The following UBL3 variants were observed in gnomAD, a reference collection of about 807,000 sequenced individuals.
UBL3 encodes ubiquitin like 3.
UBL3 carries 6 observed loss-of-function variants against 18.4 expected under a neutral mutation model. The observed-to-expected ratio is 0.33, with a 90% CI of 0.18 to 0.64. The LOEUF (loss-of-function observed/expected upper bound fraction) is 0.64, where lower values mean the gene tolerates loss of function less well. Among genes scored for constraint, UBL3 ranks in the 30% least tolerant of loss-of-function variants. UBL3 has a pLI of 0.76. For synonymous variants in UBL3, 49 were observed against 46.6 expected (o/e 1.05, Z -0.21); for missense variants, 109 against 142.9 (o/e 0.76, Z 1.21).
Position 29,803,029 on chromosome 13 carries a change from T to TA in UBL3, c.28-25767dup, listed in dbSNP as rs375114077. On this transcript the variant is annotated intron_variant, in intron 1 of 4. Transcript: ENST00000380680. ...CAGATTCTCCAAGGTCAAAATGGAA[T>TA]AAAAAATGTTAAAAGCAGCTAGAGA... Among the ~76,000 whole-genome samples, 344 of 152,142 alleles carry TA rather than the reference T, an allele frequency of 2.3e-3. 2 individuals carry two copies. Among genetic ancestry groups the TA allele is most frequent in the African/African-American group, 8.1e-3 (335 of 41,530 alleles).
At chr13:29,830,553 T>G (rs1367338116) in intron 1 of UBL3, among the ~76,000 whole-genome samples, 1 of 152,104 alleles carries the variant, frequency 6.6e-6, no homozygotes, top group African/African-American at 2.4e-5. Flanking sequence ...AGAAACAACA[T>G]CTCTTCGCAA....
chr13:29,817,258 C>G (rs1229931688), intron 1 of UBL3, among the ~76,000 whole-genome samples: 1 of 152,164 alleles, frequency 6.6e-6, no homozygotes, highest in African/African-American at 2.4e-5. Context: ...TCTACAGTTA[C>G]CATAGCTTGG....
At chr13:29,781,628 A>G (rs982083464) in intron 1 of UBL3, among the ~76,000 whole-genome samples, 3 of 151,934 alleles carry the variant, frequency 2.0e-5, no homozygotes, top group Non-Finnish European at 4.4e-5. Context: ...GCATGGGGGA[A>G]AAATGTAAAT....
intron 2 of UBL3, among the ~76,000 whole-genome samples, chr13:29,772,512 C>T (rs932746909): frequency 6.6e-6 from 1 of 151,976 alleles, no homozygotes; most frequent in Non-Finnish European, 1.5e-5. Context: ...AAAGAAATAT[C>T]ATTTTAAAAT....
At chr13:29,778,568 T>A (rs1049869102) in intron 1 of UBL3, among the ~76,000 whole-genome samples, 1 of 152,136 alleles carries the variant, frequency 6.6e-6, no homozygotes, top group African/African-American at 2.4e-5. Context: ...TTGTGCCAGG[T>A]CCCAGGTTAC....
intron 1 of UBL3, among the ~76,000 whole-genome samples, chr13:29,820,400 T>C (rs1878402055): frequency 6.6e-6 from 1 of 152,124 alleles, no homozygotes; most frequent in Admixed American, 6.6e-5. Context: ...GGTCTTGAAC[T>C]CCTGACCTCA....
intron 1 of UBL3, among the ~76,000 whole-genome samples, chr13:29,792,578 C>T (rs1000595574): frequency 2.6e-5 from 4 of 152,146 alleles, no homozygotes; most frequent in African/African-American, 7.2e-5. Flanking sequence ...TCAGCTCAGA[C>T]AATTTGCATC....
intron 1 of UBL3, 115 bp downstream of exon 1, chr13:29,849,397 C>T: frequency 7.0e-7 from 1 of 1,429,020 alleles, no homozygotes; most frequent in Non-Finnish European, 9.8e-7. Flanking sequence ...AATCGCTCAG[C>T]ACAGTGGCTT....
intron 1 of UBL3, among the ~76,000 whole-genome samples, chr13:29,838,437 C>G (rs1371468289): frequency 6.6e-6 from 1 of 152,114 alleles, no homozygotes; most frequent in Non-Finnish European, 1.5e-5. Flanking sequence ...CAACATTACT[C>G]TTATTACCAC....
intron 1 of UBL3, among the ~76,000 whole-genome samples, chr13:29,793,310 G>A (rs1877528733): frequency 6.6e-6 from 1 of 152,170 alleles, no homozygotes; most frequent in Non-Finnish European, 1.5e-5. Context: ...CCATGGACAT[G>A]AAAAGACCAG....
At chr13:29,780,080 C>T (rs965100020) in intron 1 of UBL3, among the ~76,000 whole-genome samples, 8 of 152,064 alleles carry the variant, frequency 5.3e-5, no homozygotes, top group East Asian at 1.9e-4. Flanking sequence ...ATAAACCAGG[C>T]GCGGTGGCTC....
At chr13:29,802,324 G>T (rs1877792766) in intron 1 of UBL3, among the ~76,000 whole-genome samples, 3 of 152,200 alleles carry the variant, frequency 2.0e-5, no homozygotes, top group Admixed American at 2.0e-4. Context: ...TTAACTGACT[G>T]TACTCGAGTT....
rs1456392610 is a variant in UBL3, at chr13:29,823,422, G to A, written c.27+26090C>T. ...CTCCCAAACTGCTGGGATTACAGGC[G>A]TGAGCCACTGCGCCCGGCTGCAAAT... On this transcript the variant is annotated intron_variant, in intron 1 of 4. Transcript: ENST00000380680. Among the ~76,000 whole-genome samples the A allele has an allele frequency of 2.0e-5, 3 of 152,198 alleles. No individual in the cohort carries two copies. The South Asian group carries it at 6.2e-4, about 31-fold the overall frequency.
chr13:29,821,221 G>A (rs1219849039), intron 1 of UBL3, among the ~76,000 whole-genome samples: 1 of 152,082 alleles, frequency 6.6e-6, no homozygotes, highest in Non-Finnish European at 1.5e-5. Flanking sequence ...AAAAGACTAT[G>A]AAATCTGAGC....
chr13:29,825,626 T>C (rs1291105644), intron 1 of UBL3, among the ~76,000 whole-genome samples: 1 of 152,232 alleles, frequency 6.6e-6, no homozygotes, highest in Non-Finnish European at 1.5e-5. Context: ...GTTTTCTAAA[T>C]ATACAATCAT....
intron 1 of UBL3, among the ~76,000 whole-genome samples, chr13:29,830,787 G>A (rs775117087): frequency 1.3e-5 from 2 of 152,174 alleles, no homozygotes; most frequent in Non-Finnish European, 2.9e-5. Flanking sequence ...TGGAAAAAAT[G>A]ACTTTCAAAA....
intron 1 of UBL3, among the ~76,000 whole-genome samples, chr13:29,786,490 G>GA (rs1260318596): frequency 2.0e-5 from 3 of 151,242 alleles, no homozygotes; most frequent in East Asian, 1.9e-4. Context: ...CCCATTTTTT[G>GA]AAAAAAAGAG....
rs148116557 is a variant in UBL3 at position 29,772,185 on chromosome 13, C to T, written c.150G>A (p.Glu50=). The T allele has an allele frequency of 3.4e-4, 548 of 1,611,562 alleles. 3 individuals carry two copies. The African/African-American group carries it at 6.5e-3, about 19-fold the overall frequency. ...YDNWPMDWEE[E]QVSSPNILRL... is the part of the protein sequence containing the mutation. ...GTAGAATATTTGGACTGCTGACCTG[C>T]TCTTCTTCCCAGTCTGAAAAGAATC... Residue 50 remains glutamate, a synonymous_variant, in exon 3 of 5, where the codon GAG becomes GAA. Coordinates refer to ENST00000380680, the MANE Select transcript of UBL3 (RefSeq NM_007106.4).
At chr13:29,783,974 A>G (rs1027626995) in intron 1 of UBL3, among the ~76,000 whole-genome samples, 1 of 152,198 alleles carries the variant, frequency 6.6e-6, no homozygotes, top group Admixed American at 6.5e-5. Context: ...AATGAATTAT[A>G]TATTTTTTAT....
Sources: allele counts gnomAD v4.1 joint callset (sites outside exome capture counted in the v4.1 genomes callset), GRCh38; gene constraint gnomAD v4.1.1; transcripts MANE v1.5; gene names NCBI Gene and HGNC (gene_info 2026-07-23, HGNC 2026-07-21).